MYO6: variants seen among roughly 807,000 people sequenced by gnomAD.
MYO6 encodes myosin VI, also known as unconventional myosin-VI.
MYO6 carries 74 observed loss-of-function variants against 178.7 expected under a neutral mutation model. The observed-to-expected ratio is 0.41, with a 90% CI of 0.34 to 0.50. The LOEUF is 0.50. Ranked by LOEUF, MYO6 falls within the 20% of genes least tolerant of loss-of-function variation. MYO6 has a pLI of 0.09. For synonymous variants in MYO6, 477 were observed against 504.6 expected (o/e 0.95, Z 0.73); for missense variants, 1,330 against 1,547.4 (o/e 0.86, Z 2.36).
chr6:75,815,061 G>T (rs1771083086), intron 1 of MYO6, among the ~76,000 whole-genome samples: 1 of 152,170 alleles, frequency 6.6e-6, no homozygotes. Context: ...CTTTTGGTAG[G>T]ATTACCAGTG....
chr6:75,908,963 C>CT (rs1211785469), intron 32 of MYO6, among the ~76,000 whole-genome samples: 2 of 152,138 alleles, frequency 1.3e-5, no homozygotes, highest in African/African-American at 4.8e-5. Flanking sequence ...TGCCATGCAT[C>CT]TTTTACCTTA....
chr6:75,758,268 G>T (rs1334692495), intron 1 of MYO6, among the ~76,000 whole-genome samples: 1 of 152,044 alleles, frequency 6.6e-6, no homozygotes, highest in East Asian at 1.9e-4. Flanking sequence ...GTTAGGGAGG[G>T]CTTCAACAAG....
intron 18 of MYO6, 98 bp from the exon 19 acceptor site, chr6:75,870,549 C>A: frequency 2.2e-6 from 2 of 910,748 alleles, no homozygotes; most frequent in Non-Finnish European, 1.8e-6. Flanking sequence ...GATGTTATTG[C>A]ATGTTATTTT....
At chr6:75,815,736 A>G (rs1434897782) in intron 1 of MYO6, among the ~76,000 whole-genome samples, 1 of 152,230 alleles carries the variant, frequency 6.6e-6, no homozygotes, top group East Asian at 1.9e-4. Context: ...TTTTGAATGA[A>G]CTGTATGCCA....
intron 33 of MYO6, among the ~76,000 whole-genome samples, chr6:75,913,225 A>G (rs1012580081): frequency 1.3e-5 from 2 of 152,292 alleles, no homozygotes; most frequent in Non-Finnish European, 2.9e-5. Context: ...CCCCAGGGAA[A>G]TGTTTACATT....
chr6:75,850,677 A>T (rs945911151), intron 11 of MYO6, among the ~76,000 whole-genome samples: 1 of 152,236 alleles, frequency 6.6e-6, no homozygotes, highest in African/African-American at 2.4e-5. Context: ...TTTACCACAT[A>T]CTGTCTGTAT....
At chr6:75,781,994 T>C (rs1242227336) in intron 1 of MYO6, among the ~76,000 whole-genome samples, 4 of 148,198 alleles carry the variant, frequency 2.7e-5, no homozygotes, top group African/African-American at 1.0e-4. Context: ...TGTGGACAGA[T>C]GAGGACTGGT....
intron 16 of MYO6, among the ~76,000 whole-genome samples, chr6:75,863,929 T>A (rs1369538627): frequency 6.6e-6 from 1 of 152,136 alleles, no homozygotes; most frequent in Non-Finnish European, 1.5e-5. Context: ...TCAGCCATTG[T>A]TACCTGAGGT....
chr6:75,864,178 T>C (rs1776454287), intron 16 of MYO6, among the ~76,000 whole-genome samples: 1 of 152,222 alleles, frequency 6.6e-6, no homozygotes, highest in East Asian at 1.9e-4. Flanking sequence ...AAACAAACTG[T>C]ATATTATTTT....
Position 75,885,992 on chromosome 6 carries a change from T to G in MYO6, c.2417-12T>G. The G allele has an allele frequency of 6.7e-7, 1 of 1,492,820 alleles. No homozygotes were observed. Among genetic ancestry groups the G allele is most frequent in the Non-Finnish European group, 9.3e-7 (1 of 1,072,864 alleles). 92.5% of individuals were successfully genotyped at this position (1,492,820 alleles called of 1,614,324 possible). A position where few individuals can be genotyped will look rare whatever the true frequency, so the allele number is the denominator to read the frequency against. ...ATAATTTTCTATCATTTTATTTTAC[T>G]CTTACACATAGTGAAAAACAAAATA... On this transcript the variant is annotated splice_polypyrimidine_tract_variant and intron_variant, in intron 23 of 34. Coordinates refer to ENST00000369977, the MANE Select transcript of MYO6 (RefSeq NM_004999.4).
intron 16 of MYO6, among the ~76,000 whole-genome samples, chr6:75,863,551 T>C (rs1173813409): frequency 6.6e-6 from 1 of 151,910 alleles, no homozygotes; most frequent in African/African-American, 2.4e-5. Flanking sequence ...AATGGTGCGA[T>C]CTCGGCTCAC....
intron 1 of MYO6, among the ~76,000 whole-genome samples, chr6:75,780,250 C>T (rs1462191700): frequency 6.6e-6 from 1 of 152,090 alleles, no homozygotes; most frequent in African/African-American, 2.4e-5. Context: ...AGACCGGCCT[C>T]GCCAACATGG....
intron 16 of MYO6, among the ~76,000 whole-genome samples, chr6:75,864,259 T>A (rs551460823): frequency 7.2e-5 from 11 of 152,310 alleles, no homozygotes; most frequent in African/African-American, 2.2e-4. Context: ...TAACAAGTAG[T>A]TTTGTTTCTA....
intron 24 of MYO6, among the ~76,000 whole-genome samples, chr6:75,886,343 G>C (rs1369943815): frequency 6.6e-6 from 1 of 152,150 alleles, no homozygotes; most frequent in Non-Finnish European, 1.5e-5. Flanking sequence ...TATAAAACAA[G>C]AAGTAAGTAG....
intron 31 of MYO6, 29 bp from the exon 32 acceptor site, chr6:75,908,465 ATT>A (rs748088709): frequency 2.5e-4 from 298 of 1,179,206 alleles, no homozygotes; most frequent in South Asian, 4.2e-4. Context: ...TAACATGTCA[ATT>A]TTTTTTTTTT....
chr6:75,887,316 C>T (rs1234373563), intron 25 of MYO6, among the ~76,000 whole-genome samples: 1 of 152,168 alleles, frequency 6.6e-6, no homozygotes, highest in Non-Finnish European at 1.5e-5. Flanking sequence ...TGTAACAAAC[C>T]TGCACATCCT....
intron 30 of MYO6, among the ~76,000 whole-genome samples, chr6:75,903,244 G>A (rs772698094): frequency 4.6e-5 from 7 of 152,014 alleles, no homozygotes; most frequent in Admixed American, 3.3e-4. Flanking sequence ...TATTAGGTCC[G>A]CTTGGTGCAG....
At chr6:75,788,893 A>G (rs1176020173) in intron 1 of MYO6, among the ~76,000 whole-genome samples, 1 of 152,238 alleles carries the variant, frequency 6.6e-6, no homozygotes, top group Non-Finnish European at 1.5e-5. Context: ...AGGTGGAATT[A>G]AGGAATTGAG....
At chr6:75,851,482 A>G (rs1278337794) in intron 11 of MYO6, among the ~76,000 whole-genome samples, 4 of 152,018 alleles carry the variant, frequency 2.6e-5, no homozygotes, top group African/African-American at 9.7e-5. Flanking sequence ...AGGGAGCTTA[A>G]TTTGGCATGT....
Sources: allele counts gnomAD v4.1 joint callset (sites outside exome capture counted in the v4.1 genomes callset), GRCh38; gene constraint gnomAD v4.1.1; transcripts MANE v1.5; gene names NCBI Gene and HGNC (gene_info 2026-07-23, HGNC 2026-07-21).